RBM39: variants seen among roughly 807,000 people sequenced by gnomAD.
RBM39 encodes RNA-binding protein 39.
Under a neutral mutation model 79.6 loss-of-function variants are expected in RBM39, and 12 were observed. The ratio of observed to expected loss-of-function variants is 0.15; its 90% confidence interval spans 0.10 to 0.24. The LOEUF (loss-of-function observed/expected upper bound fraction) is 0.24. RBM39 is among the 10% of genes least tolerant of loss of function. The pLI, the probability that RBM39 is intolerant of heterozygous loss-of-function variation, is 1.00. For missense variants in RBM39, 243 were observed against 653.4 expected (o/e 0.37, Z 6.85); for synonymous variants, 185 against 208.4 (o/e 0.89, Z 0.97).
intron 7 of RBM39, 121 bp downstream of exon 7, chr20:35,724,917 G>A: frequency 2.0e-6 from 2 of 992,596 alleles, no homozygotes; most frequent in Non-Finnish European, 3.0e-6. Context: ...TACTACAAGA[G>A]GCAAAATGGA....
At chr20:35,732,260 C>T (rs2039450881) in intron 3 of RBM39, 125 bp from the exon 4 acceptor site, 2 of 821,692 alleles carry the variant, frequency 2.4e-6, no homozygotes, top group Non-Finnish European at 3.8e-6. Flanking sequence ...TACTATGATA[C>T]AATGGTACAT....
At chr20:35,727,193 T>C (rs921968641) in intron 6 of RBM39, among the ~76,000 whole-genome samples, 8 of 149,400 alleles carry the variant, frequency 5.4e-5, no homozygotes, top group African/African-American at 7.4e-5. Context: ...AAAAAAAAAA[T>C]AGAAAAATTA....
chr20:35,718,435 G>T lies in RBM39; in HGVS notation c.826-1630C>A, dbSNP rs140192075. ...GGCTCGGTGGCTCCCACCTGTAGGTGTGAGCTGACATGGGCAGACTATCTG... is the reference window on the plus strand; with the variant it reads ...GGCTCGGTGGCTCCCACCTGTAGGTTTGAGCTGACATGGGCAGACTATCTG... On this transcript the variant is annotated intron_variant, in intron 9 of 16. Transcript: ENST00000253363. Among the ~76,000 whole-genome samples, 818 of 152,170 alleles carry T rather than the reference G, an allele frequency of 5.4e-3. 22 individuals carry two copies. Among genetic ancestry groups the T allele is most frequent in the African/African-American group, 0.019 (775 of 41,530 alleles).
At chr20:35,725,657 CTTTTTTTTT>C (rs773506913) in intron 6 of RBM39, among the ~76,000 whole-genome samples, 3 of 122,216 alleles carry the variant, frequency 2.5e-5, no homozygotes, top group East Asian at 2.3e-4. Context: ...AACCCATTTT[CTTTTTTTTT>C]TTTTTTTTTT....
chr20:35,735,049 G>C, intron 3 of RBM39: 1 of 1,576,232 alleles, frequency 6.3e-7, no homozygotes, highest in Non-Finnish European at 8.5e-7. Context: ...CCTCTTCCAT[G>C]TAAGAAGATC....
chr20:35,733,840 C>T (rs1347502907), intron 3 of RBM39, among the ~76,000 whole-genome samples: 1 of 152,154 alleles, frequency 6.6e-6, no homozygotes, highest in Non-Finnish European at 1.5e-5. Flanking sequence ...AAAAGCCAAA[C>T]ATATCTTTCT....
chr20:35,710,466 T>C (rs2036265804), intron 12 of RBM39: 1 of 152,218 alleles, frequency 6.6e-6, no homozygotes, highest in Admixed American at 6.5e-5. Flanking sequence ...CATGCTATTT[T>C]GTCTACCAAC....
At chr20:35,716,074 A>G (rs894079692) in intron 10 of RBM39, among the ~76,000 whole-genome samples, 17 of 151,684 alleles carry the variant, frequency 1.1e-4, no homozygotes, top group Admixed American at 7.9e-4. Context: ...TTATAGTTTT[A>G]TTTTTTTTCA....
intron 11 of RBM39, 112 bp from the exon 12 acceptor site, chr20:35,713,208 G>A: frequency 1.1e-6 from 1 of 871,454 alleles, no homozygotes; most frequent in Non-Finnish European, 1.7e-6. Context: ...GGAGGGCCGA[G>A]TGTGGTGGTT....
At chr20:35,739,414 G>GC (rs1384666213) in intron 2 of RBM39, 8 of 471,680 alleles carry the variant, frequency 1.7e-5, no homozygotes, top group Non-Finnish European at 3.5e-5. Flanking sequence ...TTCTGCCTAA[G>GC]CCCCAAGTGG....
intron 9 of RBM39, among the ~76,000 whole-genome samples, chr20:35,720,346 T>C (rs1181433657): frequency 1.3e-5 from 2 of 152,274 alleles, no homozygotes; most frequent in South Asian, 4.1e-4. Flanking sequence ...TCGTGGCGCC[T>C]GTGAAGCAGA....
Position 35,708,118 on chromosome 20 carries a change from T to G in RBM39, c.1226-917A>C, listed in dbSNP as rs1027641678. 2.1e-5 allele frequency: 5 copies of G among 240,572 alleles called. No homozygotes were observed. In the East Asian group the frequency reaches 7.7e-4, roughly 37 times the overall value. 14.9% of individuals were successfully genotyped at this position (240,572 alleles called of 1,614,324 possible). The stretch of plus-strand genomic sequence containing the variant: ...TATATCATAAATGATAACTTTCTGG[T>G]AGCATTACAGGTGCTTTAGCTTCTC... On this transcript the variant is annotated intron_variant, in intron 13 of 16. Transcript: ENST00000253363.
At chr20:35,707,319 TTA>T (rs2035864429) in intron 13 of RBM39, 118 bp from the exon 14 acceptor site, 2 of 517,094 alleles carry the variant, frequency 3.9e-6, no homozygotes, top group Non-Finnish European at 6.7e-6. Context: ...GTCACTGGAG[TTA>T]TTTTACCTTA....
At position 35,717,114 on chromosome 20, in the gene RBM39, C is replaced by T. The variant is rs974979227; in HGVS notation, c.826-309G>A. 7.2e-5 allele frequency among the ~76,000 whole-genome samples: 11 copies of T among 151,890 alleles called. No homozygotes were observed. In the East Asian group the frequency reaches 1.2e-3, roughly 16 times the overall value. ...GGCCAACATGACGAAATCAGGTCTC[C>T]ACCAAAAATACAAAAATTGTCTGGG... On this transcript the variant is annotated intron_variant, in intron 9 of 16. Transcript: ENST00000253363.
chr20:35,709,737 G>A (rs1042451400), intron 12 of RBM39, among the ~76,000 whole-genome samples: 1 of 152,098 alleles, frequency 6.6e-6, no homozygotes, highest in East Asian at 1.9e-4. Context: ...CAGTTTCCAT[G>A]ATTTCCCAAT....
chr20:35,704,870 G>C (rs2035529918), intron 15 of RBM39, 124 bp from the exon 16 acceptor site: 4 of 744,964 alleles, frequency 5.4e-6, no homozygotes, highest in South Asian at 5.3e-5. Context: ...TACCATAATG[G>C]TTCCACTGGC....
intron 10 of RBM39, among the ~76,000 whole-genome samples, chr20:35,715,473 G>A (rs2036992009): frequency 6.6e-6 from 1 of 152,216 alleles, no homozygotes; most frequent in South Asian, 2.1e-4. Context: ...ACCACACACA[G>A]CCCAAAAACA....
At chr20:35,740,272 G>C (rs920662033) in intron 2 of RBM39, 1 of 189,316 alleles carries the variant, frequency 5.3e-6, no homozygotes, top group Admixed American at 5.8e-5. Context: ...ATTGCCACTG[G>C]ACTGTTTTAA....
chr20:35,711,879 C>T (rs1399464388), intron 12 of RBM39, among the ~76,000 whole-genome samples: 1 of 152,068 alleles, frequency 6.6e-6, no homozygotes. Context: ...GGTGAGGGGG[C>T]TCATGCCTGT....
Sources: gnomAD v4.1 joint callset for allele counts (sites outside exome capture counted in the v4.1 genomes callset) on GRCh38, gnomAD v4.1.1 for gene constraint, MANE v1.5 for transcripts, NCBI Gene and HGNC (gene_info 2026-07-23, HGNC 2026-07-21) for gene names.